The following NAV3 variants were observed in gnomAD, a reference collection of about 807,000 sequenced individuals.
NAV3 encodes pore membrane and/or filament interacting like protein 1.
A neutral mutation model predicts 244.7 loss-of-function variants in NAV3; 87 were observed. The ratio of observed to expected loss-of-function variants is 0.36; its 90% CI spans 0.30 to 0.42. The LOEUF (loss-of-function observed/expected upper bound fraction) is 0.42. Ranked by LOEUF, NAV3 falls within the 20% of genes least tolerant of loss-of-function variation. The probability of loss-of-function intolerance (pLI) is 1.00; values close to 1 mark genes in which losing one functional copy is unlikely to be tolerated. For synonymous variants in NAV3, 1,126 were observed against 1,042.2 expected, an observed-to-expected ratio of 1.08 and a Z score of -1.55; for missense variants, 2,663 against 2,893.3, an observed-to-expected ratio of 0.92 and a Z score of 1.83.
At chr12:77,914,351 C>A (rs1017046885) in intron 1 of NAV3, among the ~76,000 whole-genome samples, 1 of 151,936 alleles carries the variant, frequency 6.6e-6, no homozygotes, top group Non-Finnish European at 1.5e-5. Flanking sequence ...TTTGGAGGTA[C>A]CCAGATGATT....
chr12:78,088,667 G>C (rs1433708098), intron 12 of NAV3: 1 of 152,094 alleles, frequency 6.6e-6, no homozygotes, highest in Non-Finnish European at 1.5e-5. Context: ...AAATCCTACT[G>C]TTCTTGTGAC....
intron 12 of NAV3, among the ~76,000 whole-genome samples, chr12:78,083,231 C>T (rs956828582): frequency 1.3e-5 from 2 of 152,150 alleles, no homozygotes; most frequent in Non-Finnish European, 2.9e-5. Context: ...TACTCACACA[C>T]TAACCCACTA....
chr12:77,718,679 CAG>C, intron 2 of NAV3, among the ~76,000 whole-genome samples: 1 of 150,210 alleles, frequency 6.7e-6, no homozygotes, highest in Admixed American at 6.6e-5. Context: ...TTTTTCGAGA[CAG>C]AGTTTTGCTT....
At chr12:77,911,592 G>C (rs1886595869) in intron 1 of NAV3, among the ~76,000 whole-genome samples, 1 of 151,898 alleles carries the variant, frequency 6.6e-6, no homozygotes, top group Non-Finnish European at 1.5e-5. Context: ...AATTATTCTG[G>C]CAATGCTTCT....
In NAV3 at chr12:78,102,586, G is replaced by T. The variant is rs1013127973; in HGVS notation, c.2637-14186G>T. Among the ~76,000 whole-genome samples, 4 of 152,302 alleles carry T rather than the reference G, an allele frequency of 2.6e-5. No homozygotes were observed. The South Asian group carries it at 8.3e-4, about 32-fold the overall frequency. ...GTGCTCCAGTAGAGACTCTGTGGGG[G>T]CTCTGACCCCAGATTTCCCTCCTGC... is the stretch of plus-strand genomic sequence containing the variant. On this transcript the variant is annotated intron_variant, in intron 12 of 39. Transcript: ENST00000397909.
intron 12 of NAV3, among the ~76,000 whole-genome samples, chr12:78,093,828 A>C (rs1046096200): frequency 1.3e-5 from 2 of 152,112 alleles, no homozygotes; most frequent in Admixed American, 1.3e-4. Context: ...TAATAATTTT[A>C]TTTACTTTTT....
At chr12:78,150,629 C>CACA (rs1957039757) in intron 22 of NAV3, among the ~76,000 whole-genome samples, 1 of 122,532 alleles carries the variant, frequency 8.2e-6, no homozygotes, top group Non-Finnish European at 1.7e-5. Context: ...GCAAAAGCTT[C>CACA]CTCACACACA....
intron 1 of NAV3, among the ~76,000 whole-genome samples, chr12:77,891,319 A>G (rs1883913077): frequency 6.7e-6 from 1 of 149,254 alleles, no homozygotes; most frequent in East Asian, 1.9e-4. Flanking sequence ...TAAATTTATA[A>G]AGATAATATA....
At chr12:77,771,071 A>G (rs1274054880) in intron 2 of NAV3, among the ~76,000 whole-genome samples, 24 of 152,346 alleles carry the variant, frequency 1.6e-4, no homozygotes, top group Non-Finnish European at 3.2e-4. Flanking sequence ...TTACAAGAAA[A>G]AAACAAACAA....
intron 4 of NAV3, among the ~76,000 whole-genome samples, chr12:77,967,585 G>T (rs1046343642): frequency 6.6e-6 from 1 of 152,074 alleles, no homozygotes; most frequent in Non-Finnish European, 1.5e-5. Flanking sequence ...TCTCAGAGGA[G>T]GATGCATTTT....
intron 38 of NAV3, among the ~76,000 whole-genome samples, chr12:78,201,309 A>G (rs899691009): frequency 6.6e-6 from 1 of 150,668 alleles, no homozygotes; most frequent in African/African-American, 2.4e-5. Flanking sequence ...CCTTTTTTTC[A>G]CATAATTTTT....
intron 31 of NAV3, among the ~76,000 whole-genome samples, chr12:78,187,904 G>A (rs1436929368): frequency 6.6e-6 from 1 of 151,882 alleles, no homozygotes; most frequent in East Asian, 1.9e-4. Context: ...CTTTAAGAAA[G>A]TATGCACTGC....
chr12:77,613,661 GT>G (rs1213098830), intron 2 of NAV3, among the ~76,000 whole-genome samples: 1 of 152,130 alleles, frequency 6.6e-6, no homozygotes, highest in Non-Finnish European at 1.5e-5. Flanking sequence ...TGTTCTCAGT[GT>G]TTGTGGGTGA....
chr12:77,862,413 A>C (rs770164), intron 1 of NAV3, among the ~76,000 whole-genome samples: 113,494 of 151,482 alleles, frequency 0.75, 45,601 homozygotes, highest in East Asian at 1. Context: ...TTTTGTAATG[A>C]CAGAAGAGTT....
At chr12:78,171,136 A>C (rs967898932) in intron 24 of NAV3, among the ~76,000 whole-genome samples, 1 of 151,764 alleles carries the variant, frequency 6.6e-6, no homozygotes, top group African/African-American at 2.4e-5. Flanking sequence ...TTGAAGGACA[A>C]AGTAGTTCTG....
At chr12:77,960,480 A>AAT (rs1189908590) in intron 3 of NAV3, among the ~76,000 whole-genome samples, 17 of 140,178 alleles carry the variant, frequency 1.2e-4, no homozygotes, top group African/African-American at 2.0e-4. Flanking sequence ...CATATACATA[A>AAT]ACACATATAT....
chr12:78,127,349 G>T (rs564882210), intron 17 of NAV3, 141 bp downstream of exon 17: 4 of 785,182 alleles, frequency 5.1e-6, no homozygotes, highest in East Asian at 2.7e-5. Flanking sequence ...TGGTTTCTCT[G>T]GCCCGAACAG....
At chr12:77,958,070 C>A (rs1363637392) in intron 3 of NAV3, among the ~76,000 whole-genome samples, 1 of 152,158 alleles carries the variant, frequency 6.6e-6, no homozygotes, top group Non-Finnish European at 1.5e-5. Flanking sequence ...TGGTAAGTGT[C>A]TTGAGTTTTC....
At chr12:78,203,671 A>G (rs774479582) in intron 38 of NAV3, among the ~76,000 whole-genome samples, 4 of 152,160 alleles carry the variant, frequency 2.6e-5, no homozygotes, top group African/African-American at 7.2e-5. Flanking sequence ...GCCATCTAAC[A>G]ACAAACCAAA....
Sources: gnomAD v4.1 joint callset for allele counts (sites outside exome capture counted in the v4.1 genomes callset) on GRCh38, gnomAD v4.1.1 for gene constraint, MANE v1.5 for transcripts, NCBI Gene and HGNC (gene_info 2026-07-23, HGNC 2026-07-21) for gene names.